The following PKNOX2 variants were observed in gnomAD, a reference collection of about 807,000 sequenced individuals.
PKNOX2 encodes homeobox protein PKNOX2.
PKNOX2 carries 14 observed loss-of-function variants against 53.1 expected under a neutral mutation model. The observed-to-expected ratio is 0.26, with a 90% CI of 0.17 to 0.41. PKNOX2 has a LOEUF of 0.41. Among genes scored for constraint, PKNOX2 ranks in the 10% least tolerant of loss-of-function variants. The probability of loss-of-function intolerance (pLI) is 1.00; values close to 1 mark genes in which losing one functional copy is unlikely to be tolerated. For missense variants in PKNOX2, 496 were observed against 602.8 expected, an observed-to-expected ratio of 0.82 and a Z score of 1.85; for synonymous variants, 257 against 242.8, an observed-to-expected ratio of 1.06 and a Z score of -0.54.
chr11:125,395,585 G>C (rs1329774409), intron 6 of PKNOX2, among the ~76,000 whole-genome samples: 1 of 152,148 alleles, frequency 6.6e-6, no homozygotes, highest in Non-Finnish European at 1.5e-5. Flanking sequence ...AGCATTTGGT[G>C]TTGTCATATT....
intron 4 of PKNOX2, among the ~76,000 whole-genome samples, chr11:125,353,272 G>A (rs188673008): frequency 6.6e-6 from 1 of 152,286 alleles, no homozygotes; most frequent in East Asian, 1.9e-4. Flanking sequence ...AGAGGTCAGA[G>A]AACACTGTGT....
intron 5 of PKNOX2, among the ~76,000 whole-genome samples, chr11:125,371,358 C>G (rs1000115278): frequency 1.3e-5 from 2 of 152,096 alleles, no homozygotes; most frequent in African/African-American, 4.8e-5. Flanking sequence ...CCTCCCCCAG[C>G]CCCCACCTCA....
chr11:125,207,121 G>T (rs1402312589), intron 1 of PKNOX2, among the ~76,000 whole-genome samples: 1 of 151,882 alleles, frequency 6.6e-6, no homozygotes, highest in Non-Finnish European at 1.5e-5. Context: ...CATTCTAGGG[G>T]GGTGGTGGTT....
intron 10 of PKNOX2, among the ~76,000 whole-genome samples, chr11:125,427,268 C>T (rs1207413356): frequency 6.6e-6 from 1 of 152,192 alleles, no homozygotes; most frequent in Non-Finnish European, 1.5e-5. Flanking sequence ...AAAATTGGCT[C>T]CTGTAATGCT....
intron 2 of PKNOX2, among the ~76,000 whole-genome samples, chr11:125,246,045 C>A (rs562417080): frequency 6.6e-6 from 1 of 152,164 alleles, no homozygotes; most frequent in Non-Finnish European, 1.5e-5. Context: ...CTCACCAATT[C>A]CTGGGGTTCT....
chr11:125,383,521 G>A (rs1046773844), intron 5 of PKNOX2, among the ~76,000 whole-genome samples: 1 of 151,610 alleles, frequency 6.6e-6, no homozygotes, highest in African/African-American at 2.4e-5. Context: ...GGAGGCTGAG[G>A]CAAGAGGATC....
chr11:125,235,222 C>T (rs1316545362), intron 2 of PKNOX2, 107 bp downstream of exon 2: 1 of 152,668 alleles, frequency 6.6e-6, no homozygotes, highest in Non-Finnish European at 1.5e-5. Flanking sequence ...AAGAGAAACA[C>T]TCAACAAAGA....
At chr11:125,294,568 G>A (rs1947527572) in intron 2 of PKNOX2, among the ~76,000 whole-genome samples, 1 of 152,184 alleles carries the variant, frequency 6.6e-6, no homozygotes, top group African/African-American at 2.4e-5. Context: ...ATTTGCCGGT[G>A]AGTAGAAAAC....
intron 1 of PKNOX2, among the ~76,000 whole-genome samples, chr11:125,226,484 A>G (rs537124664): frequency 4.5e-4 from 68 of 152,294 alleles, no homozygotes; most frequent in Non-Finnish European, 8.7e-4. Context: ...GTTGAGGCCC[A>G]GAGAGTTAGG....
At chr11:125,178,030 C>T (rs1272940258) in intron 1 of PKNOX2, among the ~76,000 whole-genome samples, 1 of 152,188 alleles carries the variant, frequency 6.6e-6, no homozygotes, top group Non-Finnish European at 1.5e-5. Context: ...TTTTAATGCT[C>T]ATTTTTTGAT....
Position 125,429,220 on chromosome 11 carries a change from C to G in PKNOX2, c.1013+132C>G, listed in dbSNP as rs192121733. 299 of 862,974 alleles carry G rather than the reference C, an allele frequency of 3.5e-4. 1 individual carries two copies. The African/African-American group carries it at 4.1e-3, about 12-fold the overall frequency. The allele number at this position is 862,974 out of a possible 1,614,324, so 53.5% of individuals were successfully genotyped here. A position where few individuals can be genotyped will look rare whatever the true frequency, so the allele number is the denominator to read the frequency against. On this transcript the variant is annotated intron_variant, in intron 11 of 12. Coordinates refer to ENST00000298282, the MANE Select transcript of PKNOX2 (RefSeq NM_001382323.2). Reference sequence around the variant, plus strand: ...TCTCAGCCCAGCTACCATGCCAGTCCCCCCATTTAGGCTAGAAGCAGAAAG... The same window carrying G: ...TCTCAGCCCAGCTACCATGCCAGTCGCCCCATTTAGGCTAGAAGCAGAAAG...
intron 1 of PKNOX2, among the ~76,000 whole-genome samples, chr11:125,210,331 G>A (rs943836831): frequency 6.6e-6 from 1 of 152,108 alleles, no homozygotes; most frequent in Non-Finnish European, 1.5e-5. Context: ...TTCTCTCTTT[G>A]GGGATGTCAT....
chr11:125,429,146 G>C (rs373684315), intron 11 of PKNOX2, 58 bp downstream of exon 11: 2 of 1,489,318 alleles, frequency 1.3e-6, no homozygotes, highest in African/African-American at 1.4e-5. Flanking sequence ...TTCTGGGCAG[G>C]GGAATGCGTA....
At chr11:125,207,187 C>A (rs1258338510) in intron 1 of PKNOX2, among the ~76,000 whole-genome samples, 2 of 151,982 alleles carry the variant, frequency 1.3e-5, no homozygotes. Flanking sequence ...AAGATAGATT[C>A]TTCTTCTCTC....
chr11:125,337,594 C>T (rs2136137039), intron 3 of PKNOX2, among the ~76,000 whole-genome samples: 1 of 152,326 alleles, frequency 6.6e-6, no homozygotes, highest in Non-Finnish European at 1.5e-5. Context: ...TCTGATTTCA[C>T]CACCATGTGT....
intron 1 of PKNOX2, among the ~76,000 whole-genome samples, chr11:125,195,575 G>A (rs1191789559): frequency 6.6e-6 from 1 of 152,032 alleles, no homozygotes; most frequent in African/African-American, 2.4e-5. Flanking sequence ...CGAAAGAACT[G>A]GTGATGGAGT....
Position 125,351,410 on chromosome 11 carries a change from G to T in PKNOX2, c.87+18G>T, listed in dbSNP as rs780969048. ...GCCCACAGGTGAGTGCGCAGGGGCC[G>T]CTGCCTCCCACCACGGGGGAGGGAG... On this transcript the variant is annotated intron_variant, in intron 4 of 12. Transcript: ENST00000298282. The T allele has an allele frequency of 2.6e-6, 4 of 1,530,974 alleles. No homozygotes were observed. The highest frequency in any genetic ancestry group is 2.3e-5 in the East Asian group (1 of 43,956). 94.8% of individuals were successfully genotyped at this position (1,530,974 alleles called of 1,614,324 possible). A position where few individuals can be genotyped will look rare whatever the true frequency, so the allele number is the denominator to read the frequency against.
At chr11:125,376,592 CT>C (rs1952855640) in intron 5 of PKNOX2, among the ~76,000 whole-genome samples, 2 of 152,200 alleles carry the variant, frequency 1.3e-5, no homozygotes, top group Non-Finnish European at 2.9e-5. Context: ...CCAAGTCCCC[CT>C]AGTATGGATG....
intron 2 of PKNOX2, among the ~76,000 whole-genome samples, chr11:125,305,399 C>T (rs1259341365): frequency 1.3e-5 from 2 of 152,206 alleles, no homozygotes; most frequent in African/African-American, 4.8e-5. Flanking sequence ...AAGTGGCTCT[C>T]TCAAAAGATC....
Sources: gnomAD v4.1 joint callset for allele counts (sites outside exome capture counted in the v4.1 genomes callset) on GRCh38, gnomAD v4.1.1 for gene constraint, MANE v1.5 for transcripts, NCBI Gene and HGNC (gene_info 2026-07-23, HGNC 2026-07-21) for gene names.